CASR: variants seen among roughly 807,000 people sequenced by gnomAD.
CASR encodes extracellular calcium-sensing receptor.
In CASR, 23 loss-of-function variants were observed where a neutral mutation model predicts 69.1. That is an observed-to-expected ratio of 0.33 (90% confidence interval 0.24 to 0.47). CASR has a LOEUF of 0.47. CASR is among the 20% of genes least tolerant of loss of function. The pLI, the probability that CASR is intolerant of heterozygous loss-of-function variation, is 1.00. For missense variants in CASR, 924 were observed against 1,356.1 expected (o/e 0.68, Z 5.00); for synonymous variants, 541 against 544.7 (o/e 0.99, Z 0.10).
intron 3 of CASR, among the ~76,000 whole-genome samples, chr3:122,259,312 G>T (rs2074592726): frequency 6.6e-6 from 1 of 151,992 alleles, no homozygotes; most frequent in Non-Finnish European, 1.5e-5. Context: ...AAAATGGTAG[G>T]TTTTGTGTTT....
chr3:122,250,393 A>G (rs1464415272), intron 1 of CASR, among the ~76,000 whole-genome samples: 3 of 152,198 alleles, frequency 2.0e-5, no homozygotes, highest in Non-Finnish European at 4.4e-5. Context: ...TGAACTAATT[A>G]AGTTAATAAA....
At chr3:122,202,272 G>C (rs182434731) in intron 1 of CASR, among the ~76,000 whole-genome samples, 9 of 152,362 alleles carry the variant, frequency 5.9e-5, no homozygotes, top group African/African-American at 1.9e-4. Flanking sequence ...CCGAAAACCA[G>C]TCAGGCGTGG....
intron 1 of CASR, among the ~76,000 whole-genome samples, chr3:122,210,428 T>A (rs1455117201): frequency 1.3e-5 from 2 of 152,094 alleles, no homozygotes; most frequent in African/African-American, 2.4e-5. Flanking sequence ...ATCACAGACA[T>A]TTCTATACAC....
chr3:122,208,989 T>C (rs1185508832), intron 1 of CASR, among the ~76,000 whole-genome samples: 1 of 152,192 alleles, frequency 6.6e-6, no homozygotes, highest in African/African-American at 2.4e-5. Context: ...ATTCTCAGTA[T>C]ATACCATTTC....
intron 4 of CASR, among the ~76,000 whole-genome samples, chr3:122,264,958 C>T (rs36060529): frequency 0.28 from 41,899 of 152,118 alleles, 6,506 homozygotes; most frequent in Non-Finnish European, 0.35. Context: ...CTCAGTTCTT[C>T]CCCTATAAGC....
intron 1 of CASR, among the ~76,000 whole-genome samples, chr3:122,241,821 A>G (rs1283219244): frequency 6.6e-6 from 1 of 152,172 alleles, no homozygotes; most frequent in African/African-American, 2.4e-5. Flanking sequence ...CATTAAAAAT[A>G]TCATTCATCA....
intron 1 of CASR, among the ~76,000 whole-genome samples, chr3:122,245,892 G>C (rs545108204): frequency 6.6e-6 from 1 of 152,278 alleles, no homozygotes; most frequent in Non-Finnish European, 1.5e-5. Flanking sequence ...TTGAAAGTAA[G>C]TTTAGTCCTC....
In CASR at chr3:122,284,684, C is replaced by A. The variant is rs34200949; in HGVS notation, c.2730C>A (p.Pro910=). 732 of 1,613,544 alleles carry A rather than the reference C, an allele frequency of 4.5e-4. 5 individuals carry two copies. The African/African-American group carries it at 8.6e-3, about 19-fold the overall frequency. ...TTGGAGGCTCCACGGGATCCACCCC[C>A]TCCTCCTCCATCAGCAGCAAGAGCA... The part of the protein sequence containing the change: ...SSLGGSTGST[P]SSSISSKSNS... Residue 910 remains proline (P), a synonymous_variant, in exon 7 of 7, where the codon CCC becomes CCA. Coordinates refer to ENST00000639785, the MANE Select transcript of CASR (RefSeq NM_000388.4).
At chr3:122,267,509 G>A (rs1353475471) in intron 4 of CASR, among the ~76,000 whole-genome samples, 3 of 152,132 alleles carry the variant, frequency 2.0e-5, no homozygotes, top group Non-Finnish European at 4.4e-5. Flanking sequence ...TTGGAGGAAA[G>A]GTCACAAAAT....
At chr3:122,234,932 G>A (rs1243986784) in intron 1 of CASR, among the ~76,000 whole-genome samples, 1 of 152,248 alleles carries the variant, frequency 6.6e-6, no homozygotes, top group Non-Finnish European at 1.5e-5. Context: ...CAAAGCCGAA[G>A]AAGGCAGAGA....
chr3:122,238,973 G>A (rs1193558050), intron 1 of CASR, among the ~76,000 whole-genome samples: 1 of 152,204 alleles, frequency 6.6e-6, no homozygotes, highest in Non-Finnish European at 1.5e-5. Flanking sequence ...AGACATGCTG[G>A]TTTCAGGTGT....
chr3:122,193,878 G>T (rs1415036695), intron 1 of CASR, among the ~76,000 whole-genome samples: 2 of 152,080 alleles, frequency 1.3e-5, no homozygotes, highest in African/African-American at 4.8e-5. Context: ...AACCCCGAAA[G>T]GAGGGTTATT....
chr3:122,202,451 G>A (rs1236520317), intron 1 of CASR, among the ~76,000 whole-genome samples: 1 of 151,430 alleles, frequency 6.6e-6, no homozygotes, highest in Non-Finnish European at 1.5e-5. Context: ...GGGAGAGGGA[G>A]ACCATGGGGA....
intron 1 of CASR, among the ~76,000 whole-genome samples, chr3:122,252,353 A>AAG (rs1482870663): frequency 1.1e-4 from 7 of 63,476 alleles, no homozygotes; most frequent in Non-Finnish European, 2.1e-4. Context: ...AGAAGAAAGA[A>AAG]AGAAAGAAAG....
At chr3:122,262,911 C>G (rs773294704) in intron 4 of CASR, among the ~76,000 whole-genome samples, 2 of 152,076 alleles carry the variant, frequency 1.3e-5, no homozygotes, top group Non-Finnish European at 2.9e-5. Context: ...AGGACAAAAG[C>G]AAATCAAAGA....
intron 1 of CASR, among the ~76,000 whole-genome samples, chr3:122,185,147 T>C (rs771688974): frequency 4.6e-5 from 7 of 152,224 alleles, no homozygotes; most frequent in Non-Finnish European, 8.8e-5. Context: ...TAGCTTTCAA[T>C]AGATAACATG....
intron 1 of CASR, among the ~76,000 whole-genome samples, chr3:122,252,129 A>G (rs1337274324): frequency 1.3e-5 from 2 of 151,890 alleles, no homozygotes; most frequent in Non-Finnish European, 2.9e-5. Context: ...ACCCATCTCT[A>G]TAAAAAAATA....
At chr3:122,249,537 C>T (rs1342366617) in intron 1 of CASR, among the ~76,000 whole-genome samples, 1 of 152,252 alleles carries the variant, frequency 6.6e-6, no homozygotes, top group Non-Finnish European at 1.5e-5. Context: ...CATCTCCGAT[C>T]CTTGGCTGAA....
chr3:122,287,836 C>T lies in CASR; in HGVS notation c.*2645C>T, dbSNP rs914538166. 1 of 152,274 alleles carries T rather than the reference C, an allele frequency of 6.6e-6. No homozygotes were observed. The highest frequency in any genetic ancestry group is 2.4e-5 in the African/African-American group (1 of 41,438). The allele number at this position is 152,274 out of a possible 1,614,324, so 9.4% of individuals were successfully genotyped here. On this transcript the variant is annotated 3_prime_UTR_variant, in exon 7 of 7. Transcript: ENST00000639785. The stretch of plus-strand genomic sequence containing the variant: ...CTGAGGCCCAGAAATCACTGGCAGC[C>T]TCACTTTCATGTCTACTTGACTGCT...
Sources: gnomAD v4.1 joint callset for allele counts (sites outside exome capture counted in the v4.1 genomes callset) on GRCh38, gnomAD v4.1.1 for gene constraint, MANE v1.5 for transcripts, NCBI Gene and HGNC (gene_info 2026-07-23, HGNC 2026-07-21) for gene names.